Variants in ACOXL observed in about 807,000 individuals in gnomAD.
ACOXL encodes acyl-coenzyme A oxidase-like protein.
In ACOXL, 70 loss-of-function variants were observed where a neutral mutation model predicts 71.9. That is an observed-to-expected ratio of 0.97 (90% CI 0.80 to 1.19). The LOEUF (loss-of-function observed/expected upper bound fraction) is 1.19. Among genes scored for constraint, ACOXL ranks in the 50% most tolerant of loss-of-function variants. The pLI is 0.00. For missense variants in ACOXL, 703 were observed against 736.3 expected (o/e 0.95, Z 0.52); for synonymous variants, 253 against 281.6 (o/e 0.90, Z 1.02).
At chr2:110,982,793 G>T (rs972856112) in intron 12 of ACOXL, among the ~76,000 whole-genome samples, 1 of 152,136 alleles carries the variant, frequency 6.6e-6, no homozygotes, top group African/African-American at 2.4e-5. Flanking sequence ...CTTTTATCTG[G>T]CAGTCCTGTT....
At chr2:110,868,363 G>A (rs983640129) in intron 10 of ACOXL, among the ~76,000 whole-genome samples, 1 of 152,162 alleles carries the variant, frequency 6.6e-6, no homozygotes, top group Non-Finnish European at 1.5e-5. Context: ...TGGGTGCTCT[G>A]GTTTCTGGCT....
intron 10 of ACOXL, among the ~76,000 whole-genome samples, chr2:110,901,559 G>A (rs964491123): frequency 5.9e-5 from 9 of 151,972 alleles, no homozygotes; most frequent in Admixed American, 4.6e-4. Context: ...GATCTGAAGG[G>A]CACTTTGAGA....
At chr2:110,738,680 A>G (rs1442915492) in intron 1 of ACOXL, among the ~76,000 whole-genome samples, 1 of 152,136 alleles carries the variant, frequency 6.6e-6, no homozygotes, top group African/African-American at 2.4e-5. Flanking sequence ...GTGGCTTGAC[A>G]TGGGTTCTTT....
chr2:110,934,709 G>A (rs1473650281), intron 12 of ACOXL, among the ~76,000 whole-genome samples: 3 of 152,180 alleles, frequency 2.0e-5, no homozygotes, highest in Non-Finnish European at 4.4e-5. Flanking sequence ...CAGCCTGAGG[G>A]CCTCTCCCAT....
intron 10 of ACOXL, among the ~76,000 whole-genome samples, chr2:110,898,293 AAGG>A (rs2059097258): frequency 6.6e-6 from 1 of 152,194 alleles, no homozygotes; most frequent in African/African-American, 2.4e-5. Flanking sequence ...AATATAATAA[AAGG>A]AGAATGCAGG....
intron 10 of ACOXL, among the ~76,000 whole-genome samples, chr2:110,844,949 T>C (rs1179938949): frequency 6.6e-6 from 1 of 152,196 alleles, no homozygotes; most frequent in African/African-American, 2.4e-5. Context: ...TTGAGTTCCC[T>C]CTTTAAAAAT....
chr2:111,041,739 G>A (rs949636789), intron 15 of ACOXL, among the ~76,000 whole-genome samples: 2 of 152,222 alleles, frequency 1.3e-5, no homozygotes, highest in Non-Finnish European at 2.9e-5. Flanking sequence ...CCTGCACACA[G>A]GGAGTCCGTG....
intron 9 of ACOXL, among the ~76,000 whole-genome samples, chr2:110,838,516 A>C (rs904194902): frequency 9.2e-5 from 14 of 152,192 alleles, no homozygotes; most frequent in African/African-American, 3.4e-4. Flanking sequence ...TCAGCAGATC[A>C]CACAGTTGCC....
chr2:110,942,042 G>A (rs891741531), intron 12 of ACOXL, among the ~76,000 whole-genome samples: 1 of 152,054 alleles, frequency 6.6e-6, no homozygotes, highest in African/African-American at 2.4e-5. Context: ...AAGGCCAGGA[G>A]AGAAGAAAAG....
intron 12 of ACOXL, among the ~76,000 whole-genome samples, chr2:110,953,122 A>G (rs908120782): frequency 6.6e-6 from 1 of 152,110 alleles, no homozygotes; most frequent in African/African-American, 2.4e-5. Context: ...CCCTATAGAG[A>G]AGGACTGTTC....
At chr2:111,000,191 A>C (rs1276582068) in intron 14 of ACOXL, among the ~76,000 whole-genome samples, 1 of 152,166 alleles carries the variant, frequency 6.6e-6, no homozygotes, top group East Asian at 1.9e-4. Context: ...ATGAGGTAAA[A>C]ATTATTGGAA....
chr2:110,854,740 G>C (rs1693037371), intron 10 of ACOXL, among the ~76,000 whole-genome samples: 1 of 152,218 alleles, frequency 6.6e-6, no homozygotes, highest in Non-Finnish European at 1.5e-5. Context: ...TAACCCAAGG[G>C]AGAGGTGGCC....
chr2:110,999,904 G>C (rs1362420309), intron 14 of ACOXL, among the ~76,000 whole-genome samples: 1 of 152,178 alleles, frequency 6.6e-6, no homozygotes, highest in African/African-American at 2.4e-5. Context: ...CCATCAAGCA[G>C]CTTCTGGATT....
rs181303127 is a variant in ACOXL at position 110,735,555 on chromosome 2, G to C, written c.-23+2781G>C. Among the ~76,000 whole-genome samples the C allele has an allele frequency of 4.0e-3, 609 of 152,350 alleles. 5 individuals are homozygous for C. The highest frequency in any genetic ancestry group is 3.6e-3 in the Non-Finnish European group (247 of 68,032). Reference sequence around the variant, plus strand: ...CACTGGGTGGCCACTCTCCTCAGAGGAGGAGTTCATTCCCAGGGTGCTGGC... The same window carrying C: ...CACTGGGTGGCCACTCTCCTCAGAGCAGGAGTTCATTCCCAGGGTGCTGGC... On this transcript the variant is annotated intron_variant, in intron 1 of 17. Coordinates refer to ENST00000439055, the MANE Select transcript of ACOXL (RefSeq NM_001142807.4).
At chr2:110,789,198 A>G (rs1455927186) in intron 3 of ACOXL, among the ~76,000 whole-genome samples, 1 of 152,170 alleles carries the variant, frequency 6.6e-6, no homozygotes, top group Non-Finnish European at 1.5e-5. Context: ...TGCCAGGGAA[A>G]AAGATTGTCT....
chr2:110,771,625 A>T (rs1356423302), intron 2 of ACOXL, among the ~76,000 whole-genome samples: 1 of 152,248 alleles, frequency 6.6e-6, no homozygotes, highest in African/African-American at 2.4e-5. Context: ...AGATGTTTCA[A>T]TAATTTTAAA....
At chr2:110,813,964 G>A (rs554554249) in intron 9 of ACOXL, among the ~76,000 whole-genome samples, 1 of 152,148 alleles carries the variant, frequency 6.6e-6, no homozygotes, top group Non-Finnish European at 1.5e-5. Flanking sequence ...TTACACTCTG[G>A]TATTCCAGCA....
intron 2 of ACOXL, among the ~76,000 whole-genome samples, chr2:110,784,270 AG>A (rs941681984): frequency 1.3e-5 from 2 of 152,066 alleles, no homozygotes; most frequent in Non-Finnish European, 2.9e-5. Context: ...AAAAAAAAAA[AG>A]ATTGTCAACA....
chr2:110,960,687 A>C (rs1057143095), intron 12 of ACOXL, among the ~76,000 whole-genome samples: 71 of 130,466 alleles, frequency 5.4e-4, no homozygotes, highest in African/African-American at 1.7e-3. Context: ...TTAATGTATA[A>C]ATTTTCTGGG....
Sources: gnomAD v4.1 joint callset for allele counts (sites outside exome capture counted in the v4.1 genomes callset) on GRCh38, gnomAD v4.1.1 for gene constraint, MANE v1.5 for transcripts, NCBI Gene and HGNC (gene_info 2026-07-23, HGNC 2026-07-21) for gene names.